Variants in CLNS1A observed in about 807,000 individuals in gnomAD.
The protein encoded by CLNS1A is chloride nucleotide-sensitive channel 1A.
Under a neutral mutation model 29.4 loss-of-function variants are expected in CLNS1A, and 16 were observed. The ratio of observed to expected loss-of-function variants is 0.54; its 90% CI spans 0.37 to 0.83. The LOEUF is 0.83. CLNS1A is among the 40% of genes least tolerant of loss of function. The pLI, the probability that CLNS1A is intolerant of heterozygous loss-of-function variation, is 0.00. For synonymous variants in CLNS1A, 96 were observed against 104.8 expected (o/e 0.92, Z 0.51); for missense variants, 235 against 287.4 (o/e 0.82, Z 1.32).
At chr11:77,633,612 C>T (rs1337907477) in intron 1 of CLNS1A, among the ~76,000 whole-genome samples, 2 of 151,922 alleles carry the variant, frequency 1.3e-5, no homozygotes, top group African/African-American at 4.8e-5. Flanking sequence ...GGATGAAAAA[C>T]AGGACAGGAA....
At chr11:77,637,035 C>CCTTACTATATAGTAAGGGTGT (rs1959132989) in intron 1 of CLNS1A, among the ~76,000 whole-genome samples, 1 of 151,800 alleles carries the variant, frequency 6.6e-6, no homozygotes, top group Non-Finnish European at 1.5e-5. Flanking sequence ...AAGGGTGTTC[C>CCTTACTATATAGTAAGGGTGT]TCTCCTTACT....
At chr11:77,634,448 G>A (rs957063337) in intron 1 of CLNS1A, among the ~76,000 whole-genome samples, 3 of 151,776 alleles carry the variant, frequency 2.0e-5, no homozygotes, top group Admixed American at 6.6e-5. Context: ...TATTTTGGCC[G>A]GGCACGGTGG....
At chr11:77,637,560 G>A in intron 1 of CLNS1A, 30 bp downstream of exon 1, 1 of 1,581,556 alleles carries the variant, frequency 6.3e-7, no homozygotes, top group South Asian at 1.2e-5. Context: ...CGGCGCGCAG[G>A]AGGCCAGCGC....
intron 1 of CLNS1A, among the ~76,000 whole-genome samples, chr11:77,635,438 G>A (rs747261802): frequency 1.5e-4 from 22 of 148,898 alleles, no homozygotes; most frequent in Non-Finnish European, 2.8e-4. Context: ...TACAACCTCC[G>A]CCTCTCGGGT....
In CLNS1A at chr11:77,635,439, C is replaced by A. The variant is rs111248527; in HGVS notation, c.125+2151G>T. Among the ~76,000 whole-genome samples the A allele has an allele frequency of 1.7e-3, 258 of 151,828 alleles. 2 individuals carry two copies. The highest frequency in any genetic ancestry group is 5.9e-3 in the African/African-American group (245 of 41,390). ...TGATCTCGGCTTACTACAACCTCCGCCTCTCGGGTTCAAGCGATTCTCCTG... is the reference window on the plus strand; with the variant it reads ...TGATCTCGGCTTACTACAACCTCCGACTCTCGGGTTCAAGCGATTCTCCTG... On this transcript the variant is annotated intron_variant, in intron 1 of 6. Transcript: ENST00000525428.
At chr11:77,625,841 A>G (rs1424962200) in intron 2 of CLNS1A, 23 bp from the exon 3 acceptor site, 6 of 1,506,852 alleles carry the variant, frequency 4.0e-6, no homozygotes, top group Non-Finnish European at 5.5e-6. Context: ...ATACCCTTTT[A>G]ATGTCATTAT....
At chr11:77,625,556 G>T in intron 3 of CLNS1A, 161 bp downstream of exon 3, 5 of 590,202 alleles carry the variant, frequency 8.5e-6, no homozygotes, top group Non-Finnish European at 1.2e-5. Context: ...ATAGGTATTT[G>T]GTCCTTAATG....
intron 1 of CLNS1A, among the ~76,000 whole-genome samples, chr11:77,637,305 G>T (rs1192948024): frequency 1.8e-4 from 16 of 86,964 alleles, no homozygotes; most frequent in Non-Finnish European, 3.0e-4. Context: ...AAGAAAGAGA[G>T]AAAGAGACAG....
intron 6 of CLNS1A, among the ~76,000 whole-genome samples, 169 bp from the exon 7 acceptor site, chr11:77,616,864 G>A (rs1958909786): frequency 6.6e-6 from 1 of 152,198 alleles, no homozygotes; most frequent in South Asian, 2.1e-4. Context: ...TGGGGGAAGT[G>A]AGGATTAAAT....
chr11:77,634,447 C>G (rs1031439097), intron 1 of CLNS1A, among the ~76,000 whole-genome samples: 1 of 151,988 alleles, frequency 6.6e-6, no homozygotes, highest in African/African-American at 2.4e-5. Context: ...TTATTTTGGC[C>G]GGGCACGGTG....
intron 1 of CLNS1A, among the ~76,000 whole-genome samples, chr11:77,636,769 G>A (rs145691000): frequency 1.8e-3 from 280 of 152,318 alleles, no homozygotes; most frequent in African/African-American, 6.4e-3. Flanking sequence ...GTAGACAAGT[G>A]ATGGAGCAAA....
intron 2 of CLNS1A, among the ~76,000 whole-genome samples, chr11:77,626,696 ATT>A (rs34394062): frequency 1.7e-4 from 24 of 143,134 alleles, no homozygotes; most frequent in Non-Finnish European, 2.1e-4. Context: ...CCTGATGGTC[ATT>A]TTTTTTTTTT....
rs1283332467 is a variant in CLNS1A, at chr11:77,637,725, T to C, written c.-11A>G. ...TTTGAGGAAGCTCATAGCAGCAGAG[T>C]GCGGCAACACAGGCCCTGAGGGAGT... is the stretch of plus-strand genomic sequence containing the variant. On this transcript the variant is annotated 5_prime_UTR_variant, in exon 1 of 7. Transcript: ENST00000525428. 1.3e-6 allele frequency: 2 copies of C among 1,553,144 alleles called. No individual in the cohort carries two copies. The highest frequency in any genetic ancestry group is 3.9e-5 in the Admixed American group (2 of 51,158).
intron 1 of CLNS1A, among the ~76,000 whole-genome samples, chr11:77,632,462 C>G (rs61468764): frequency 6.6e-6 from 1 of 151,944 alleles, no homozygotes; most frequent in Non-Finnish European, 1.5e-5. Context: ...CATCATAATA[C>G]CTCTGTAATT....
chr11:77,629,235 C>T lies in CLNS1A; in HGVS notation c.262+528G>A, dbSNP rs377021237. On this transcript the variant is annotated intron_variant, in intron 2 of 6. Transcript: ENST00000525428. ...ACATATCCATAATAAATGAAGAATT[C>T]TAAGTGTAAATATAGAGAAATATAT... is the stretch of plus-strand genomic sequence containing the variant. Among the ~76,000 whole-genome samples the T allele has an allele frequency of 4.7e-3, 718 of 152,212 alleles. 7 individuals carry two copies. Among genetic ancestry groups the T allele is most frequent in the African/African-American group, 0.015 (636 of 41,504 alleles).
intron 6 of CLNS1A, chr11:77,618,554 A>G (rs1958926094): frequency 2.0e-5 from 3 of 152,250 alleles, no homozygotes; most frequent in African/African-American, 7.2e-5. Context: ...ATTTTCTGAT[A>G]GTTCCACTGG....
At chr11:77,629,608 A>G (rs1565128527) in intron 2 of CLNS1A, among the ~76,000 whole-genome samples, 155 bp downstream of exon 2, 1 of 152,128 alleles carries the variant, frequency 6.6e-6, no homozygotes, top group Non-Finnish European at 1.5e-5. Flanking sequence ...ATTAGCCAGG[A>G]TGGTCTCGAT....
At chr11:77,622,464 C>T in intron 5 of CLNS1A, 36 bp downstream of exon 5, 2 of 1,500,228 alleles carry the variant, frequency 1.3e-6, no homozygotes, top group Non-Finnish European at 1.8e-6. Flanking sequence ...TGCCCAAGTG[C>T]TCATCTGACT....
intron 1 of CLNS1A, among the ~76,000 whole-genome samples, chr11:77,630,872 T>C (rs950888629): frequency 1.3e-5 from 2 of 152,202 alleles, no homozygotes; most frequent in African/African-American, 4.8e-5. Context: ...CAGGTTCTTT[T>C]TGGGGTGAAG....
Sources: gnomAD v4.1 joint callset for allele counts (sites outside exome capture counted in the v4.1 genomes callset) on GRCh38, gnomAD v4.1.1 for gene constraint, MANE v1.5 for transcripts, NCBI Gene and HGNC (gene_info 2026-07-23, HGNC 2026-07-21) for gene names.